STPG2: variants seen among roughly 807,000 people sequenced by gnomAD.
STPG2 encodes the protein sperm tail PG-rich repeat containing 2, also known as sperm-tail PG-rich repeat-containing protein 2.
STPG2 carries 56 observed loss-of-function variants against 54.2 expected under a neutral mutation model. The ratio of observed to expected loss-of-function variants is 1.03; its 90% CI spans 0.83 to 1.29. STPG2 has a LOEUF of 1.29. STPG2 is among the 50% of genes most tolerant of loss of function. The pLI is 0.00. For synonymous variants in STPG2, 200 were observed against 181.8 expected (o/e 1.10, Z -0.81); for missense variants, 596 against 544.9 (o/e 1.09, Z -0.93).
In STPG2 at chr4:97,807,511, TA is replaced by T. The variant is rs1429347527; in HGVS notation, c.1204+33261del. Reference sequence around the variant, plus strand: ...ATACTGCCTATCGTGGAAATAAAAATAAAATAATTAAAATGAAAAACTTAAT... The same window carrying T: ...ATACTGCCTATCGTGGAAATAAAAATAAATAATTAAAATGAAAAACTTAAT... On this transcript the variant is annotated intron_variant, in intron 9 of 10. Coordinates refer to ENST00000295268, the MANE Select transcript of STPG2 (RefSeq NM_174952.3). Among the ~76,000 whole-genome samples the T allele has an allele frequency of 4.6e-5, 7 of 151,878 alleles. No homozygotes were observed. In the South Asian group the frequency reaches 1.2e-3, roughly 27 times the overall value.
At chr4:97,843,909 A>AT (rs1728871086) in intron 8 of STPG2, among the ~76,000 whole-genome samples, 1 of 151,934 alleles carries the variant, frequency 6.6e-6, no homozygotes, top group African/African-American at 2.4e-5. Flanking sequence ...AGAGATTAAC[A>AT]TTTCTTGGTC....
intron 10 of STPG2, among the ~76,000 whole-genome samples, chr4:97,680,710 A>G (rs1723006037): frequency 6.6e-6 from 1 of 152,018 alleles, no homozygotes; most frequent in Admixed American, 6.6e-5. Context: ...TCAGTTCTCA[A>G]ATTCTCTGGA....
intron 10 of STPG2, among the ~76,000 whole-genome samples, chr4:97,679,344 T>C (rs1368710382): frequency 6.6e-6 from 1 of 152,130 alleles, no homozygotes; most frequent in Non-Finnish European, 1.5e-5. Context: ...GGTATCTCAT[T>C]GTGGTTTTGA....
At chr4:97,634,668 A>G (rs1316436430) in intron 10 of STPG2, among the ~76,000 whole-genome samples, 1 of 152,012 alleles carries the variant, frequency 6.6e-6, no homozygotes, top group East Asian at 1.9e-4. Flanking sequence ...GCTGAAAACC[A>G]AGGCTCGAGA....
chr4:97,556,587 AT>A (rs1732083625), downstream of STPG2, among the ~76,000 whole-genome samples: 1 of 152,142 alleles, frequency 6.6e-6, no homozygotes, highest in South Asian at 2.1e-4. Flanking sequence ...CAATCTGCAT[AT>A]TTTTATTCTG....
intron 7 of STPG2, among the ~76,000 whole-genome samples, chr4:97,964,200 A>C (rs985897050): frequency 6.6e-6 from 1 of 152,204 alleles, no homozygotes; most frequent in Non-Finnish European, 1.5e-5. Context: ...GCACACTTGC[A>C]TCAGTCCTCC....
intron 8 of STPG2, among the ~76,000 whole-genome samples, chr4:97,922,854 C>T (rs562089358): frequency 9.9e-5 from 15 of 151,936 alleles, no homozygotes; most frequent in South Asian, 4.2e-4. Flanking sequence ...GCTTTTTTCC[C>T]GGTGTCATTA....
chr4:97,942,369 G>C (rs1231210021), intron 8 of STPG2, among the ~76,000 whole-genome samples: 2 of 151,890 alleles, frequency 1.3e-5, no homozygotes, highest in East Asian at 3.9e-4. Context: ...TGACTCACTT[G>C]AAAAATACAG....
intron 5 of STPG2, among the ~76,000 whole-genome samples, chr4:98,001,993 C>A (rs558060657): frequency 1.3e-5 from 2 of 151,896 alleles, no homozygotes; most frequent in Non-Finnish European, 2.9e-5. Context: ...GACATAAGGG[C>A]TGACAAAAAA....
intron 9 of STPG2, among the ~76,000 whole-genome samples, chr4:97,784,657 T>G (rs1726766790): frequency 6.6e-6 from 1 of 152,030 alleles, no homozygotes. Flanking sequence ...CTCTGGGATA[T>G]TTTGCCCTAT....
At chr4:97,674,148 T>G (rs561652429) in intron 10 of STPG2, among the ~76,000 whole-genome samples, 1 of 152,262 alleles carries the variant, frequency 6.6e-6, no homozygotes, top group South Asian at 2.1e-4. Context: ...TTTTTCCTCT[T>G]AACTACTCTG....
chr4:97,781,367 C>A (rs1297062704), intron 9 of STPG2, among the ~76,000 whole-genome samples: 2 of 152,130 alleles, frequency 1.3e-5, no homozygotes, highest in Non-Finnish European at 2.9e-5. Flanking sequence ...TACACCCTCC[C>A]AAGACTAAAC....
chr4:97,602,092 T>C (rs1356160569), intron 10 of STPG2, among the ~76,000 whole-genome samples: 2 of 151,910 alleles, frequency 1.3e-5, no homozygotes, highest in African/African-American at 4.8e-5. Flanking sequence ...AATGATCTTA[T>C]GACTGAAGAT....
At chr4:97,628,163 GT>G (rs1256056264) in intron 10 of STPG2, among the ~76,000 whole-genome samples, 1 of 152,124 alleles carries the variant, frequency 6.6e-6, no homozygotes, top group Non-Finnish European at 1.5e-5. Context: ...ATTCTATTCA[GT>G]GTGTAGTATA....
chr4:98,004,237 T>G (rs1735505291), intron 5 of STPG2, among the ~76,000 whole-genome samples: 1 of 152,232 alleles, frequency 6.6e-6, no homozygotes, highest in Non-Finnish European at 1.5e-5. Flanking sequence ...AGTGAGATCA[T>G]GCATCTTTCT....
chr4:97,738,303 C>T (rs551625216), intron 9 of STPG2, among the ~76,000 whole-genome samples: 3 of 152,164 alleles, frequency 2.0e-5, no homozygotes, highest in African/African-American at 7.2e-5. Context: ...ACTGCATCAA[C>T]TAACGAGCAA....
chr4:98,060,899 C>T (rs1456976434), intron 5 of STPG2, among the ~76,000 whole-genome samples: 1 of 152,064 alleles, frequency 6.6e-6, no homozygotes, highest in Non-Finnish European at 1.5e-5. Flanking sequence ...CTTCCTTTTG[C>T]CATATACAAA....
chr4:98,011,337 CATTTT>C (rs1432343530), intron 5 of STPG2, among the ~76,000 whole-genome samples: 1 of 152,136 alleles, frequency 6.6e-6, no homozygotes, highest in Admixed American at 6.6e-5. Context: ...ATATGTGCCA[CATTTT>C]TTTTATCCAG....
chr4:97,519,495 C>T (rs930825143), intron 4 of STPG2, among the ~76,000 whole-genome samples: 1 of 151,658 alleles, frequency 6.6e-6, no homozygotes, highest in South Asian at 2.1e-4. Flanking sequence ...GCCAAATTTC[C>T]CCTATTGTGA....
Sources: allele counts gnomAD v4.1 joint callset (sites outside exome capture counted in the v4.1 genomes callset), GRCh38; gene constraint gnomAD v4.1.1; transcripts MANE v1.5; gene names NCBI Gene and HGNC (gene_info 2026-07-23, HGNC 2026-07-21).